IGSF3: variants seen among roughly 807,000 people sequenced by gnomAD.
The protein encoded by IGSF3 is immunoglobulin superfamily member 3, also known as glu-Trp-Ile EWI motif-containing protein 3.
A neutral mutation model predicts 114.4 loss-of-function variants in IGSF3; 23 were observed. That is an observed-to-expected ratio of 0.20 (90% CI 0.14 to 0.28). The LOEUF (loss-of-function observed/expected upper bound fraction) is 0.28, where lower values mean the gene tolerates loss of function less well. Among genes scored for constraint, IGSF3 ranks in the 10% least tolerant of loss-of-function variants. The pLI, the probability that IGSF3 is intolerant of heterozygous loss-of-function variation, is 1.00. For synonymous variants in IGSF3, 571 were observed against 645.2 expected (o/e 0.88, Z 1.74); for missense variants, 1,172 against 1,591.5 (o/e 0.74, Z 4.48).
rs1263835363 is a variant in IGSF3 at position 116,605,134 on chromosome 1, GTAAC to G, written c.1223-1113_1223-1110del. Among the ~76,000 whole-genome samples, 3 of 151,976 alleles carry G rather than the reference GTAAC, an allele frequency of 2.0e-5. No homozygotes were observed. The highest frequency in any genetic ancestry group is 4.4e-5 in the Non-Finnish European group (3 of 68,008). On this transcript the variant is annotated intron_variant, in intron 5 of 10. Transcript: ENST00000369486. This position sits in a 1 kb window ranked among gnomAD's most constrained non-coding sequence, Gnocchi z 5.1. ...GTCTGTAAGTATTAAAGAACACAAAGTAACTAATTTGGCTCCAATTTTTGGGTAC... is the reference window on the plus strand; with the variant it reads ...GTCTGTAAGTATTAAAGAACACAAAGTAATTTGGCTCCAATTTTTGGGTAC...
In IGSF3 at chr1:116,664,615, A is replaced by G. The variant is rs1649253953; in HGVS notation, c.43+1669T>C. Among the ~76,000 whole-genome samples the G allele has an allele frequency of 6.6e-6, 1 of 152,204 alleles. No homozygotes were observed. Among genetic ancestry groups the G allele is most frequent in the South Asian group, 2.1e-4 (1 of 4,834 alleles). On this transcript the variant is annotated intron_variant, in intron 2 of 10. Transcript: ENST00000369486. This position sits in a 1 kb window ranked among gnomAD's most constrained non-coding sequence, Gnocchi z 4.6. ...TCACTAATTGCTGATTTAAACCCAG[A>G]CACTAAGCGAATGACACATACAGTA...
intron 10 of IGSF3, among the ~76,000 whole-genome samples, chr1:116,578,888 T>A (rs2101286514): frequency 6.6e-6 from 1 of 152,232 alleles, no homozygotes; most frequent in East Asian, 1.9e-4. Context: ...TCACAGCCCT[T>A]CTAGGCTGGT....
intron 8 of IGSF3, among the ~76,000 whole-genome samples, chr1:116,587,668 C>T (rs6698024): frequency 0.035 from 5,286 of 152,266 alleles, 264 homozygotes; most frequent in African/African-American, 0.12. Context: ...GAAGGGACCC[C>T]TACTGGTATG....
chr1:116,637,964 G>A (rs1485023484), intron 2 of IGSF3, among the ~76,000 whole-genome samples: 1 of 152,180 alleles, frequency 6.6e-6, no homozygotes. Flanking sequence ...CTGTTTTCCT[G>A]CTTAGGGATG....
chr1:116,656,943 A>C (rs1196423705), intron 2 of IGSF3, among the ~76,000 whole-genome samples: 1 of 151,356 alleles, frequency 6.6e-6, no homozygotes, highest in African/African-American at 2.4e-5. Context: ...TGAATGAATG[A>C]ATTAATTAAT....
rs1649140445 is a variant in IGSF3 at position 116,662,047 on chromosome 1, T to C, written c.43+4237A>G. Among the ~76,000 whole-genome samples the C allele has an allele frequency of 6.6e-6, 1 of 151,580 alleles. No homozygotes were observed. Among genetic ancestry groups the C allele is most frequent in the African/African-American group, 2.4e-5 (1 of 41,266 alleles). ...CAGCAGGAGCTTGGAGCCCTAACAC[T>C]GTCAGCAATCTATCTTAGGCAAGTG... is the stretch of plus-strand genomic sequence containing the variant. On this transcript the variant is annotated intron_variant, in intron 2 of 10. Coordinates refer to ENST00000369486, the MANE Select transcript of IGSF3 (RefSeq NM_001007237.3). The surrounding 1 kb of genome is among the most constrained non-coding windows in gnomAD (Gnocchi z 4.3).
Position 116,615,934 on chromosome 1 carries a change from T to C in IGSF3, c.421+146A>G. The C allele has an allele frequency of 1.7e-6, 1 of 591,148 alleles. No homozygotes were observed. Among genetic ancestry groups the C allele is most frequent in the Non-Finnish European group, 3.0e-6 (1 of 330,170 alleles). 36.6% of individuals were successfully genotyped at this position (591,148 alleles called of 1,614,324 possible). On this transcript the variant is annotated intron_variant, in intron 3 of 10. Coordinates refer to ENST00000369486, the MANE Select transcript of IGSF3 (RefSeq NM_001007237.3). The surrounding 1 kb of genome is among the most constrained non-coding windows in gnomAD (Gnocchi z 4.3). ...TTAGAAGTGAACACAGAAATTTAGT[T>C]TCCTTGTGCTATCTGTTGACCCCTA...
In IGSF3 at chr1:116,628,425, GT is replaced by G. The variant is rs1464213923; in HGVS notation, c.44-11969del. Among the ~76,000 whole-genome samples, 3 of 152,122 alleles carry G rather than the reference GT, an allele frequency of 2.0e-5. No individual in the cohort carries two copies. The East Asian group carries it at 5.8e-4, about 29-fold the overall frequency. ...TTTTTTTTTTAACCAGGCCCCCAGAGTTGTAGATTTTGGGGTCATTTACAAT... is the reference window on the plus strand; with the variant it reads ...TTTTTTTTTTAACCAGGCCCCCAGAGTGTAGATTTTGGGGTCATTTACAAT... On this transcript the variant is annotated intron_variant, in intron 2 of 10. Coordinates refer to ENST00000369486, the MANE Select transcript of IGSF3 (RefSeq NM_001007237.3). The surrounding 1 kb of genome is among the most constrained non-coding windows in gnomAD (Gnocchi z 4.2).
In IGSF3 at chr1:116,650,440, T is replaced by C. The variant is rs1571191602; in HGVS notation, c.43+15844A>G. On this transcript the variant is annotated intron_variant, in intron 2 of 10. Coordinates refer to ENST00000369486, the MANE Select transcript of IGSF3 (RefSeq NM_001007237.3). The surrounding 1 kb of genome is among the most constrained non-coding windows in gnomAD (Gnocchi z 5.0). ...CCAGAATCTCCCAGCAGACTTCTCA[T>C]ACCTCAGTGGCCAAAACCATGTCAC... Among the ~76,000 whole-genome samples the C allele has an allele frequency of 2.0e-5, 3 of 152,228 alleles. 1 individual carries two copies. The East Asian group carries it at 5.8e-4, about 29-fold the overall frequency.
chr1:116,647,322 A>C lies in IGSF3; in HGVS notation c.43+18962T>G, dbSNP rs1648424635. Among the ~76,000 whole-genome samples, 1 of 152,182 alleles carries C rather than the reference A, an allele frequency of 6.6e-6. No homozygotes were observed. The highest frequency in any genetic ancestry group is 2.1e-4 in the South Asian group (1 of 4,824). ...ATCAGACTGAAACAAGAACACCAAG[A>C]TATTCCAAGGGAGGTGACAATGGGG... On this transcript the variant is annotated intron_variant, in intron 2 of 10. Coordinates refer to ENST00000369486, the MANE Select transcript of IGSF3 (RefSeq NM_001007237.3). This position sits in a 1 kb window ranked among gnomAD's most constrained non-coding sequence, Gnocchi z 4.6.
At chr1:116,640,402 C>T (rs1401573015) in intron 2 of IGSF3, among the ~76,000 whole-genome samples, 1 of 152,186 alleles carries the variant, frequency 6.6e-6, no homozygotes, top group East Asian at 1.9e-4. Context: ...ACTATTCCAC[C>T]CATCCCAGAA....
intron 1 of IGSF3, among the ~76,000 whole-genome samples, chr1:116,667,201 C>A (rs1301629590): frequency 1.3e-5 from 2 of 152,174 alleles, no homozygotes; most frequent in Non-Finnish European, 2.9e-5. Flanking sequence ...CCTGGGAATT[C>A]CCGTCACCTC....
At chr1:116,619,030 C>G (rs1364882117) in intron 2 of IGSF3, among the ~76,000 whole-genome samples, 1 of 152,068 alleles carries the variant, frequency 6.6e-6, no homozygotes, top group East Asian at 1.9e-4. Flanking sequence ...TTTTTTGAAG[C>G]TCCACAGATG....
intron 2 of IGSF3, among the ~76,000 whole-genome samples, chr1:116,660,905 T>C (rs1298674852): frequency 1.3e-5 from 2 of 152,194 alleles, no homozygotes; most frequent in East Asian, 3.8e-4. Flanking sequence ...TGAACATAAT[T>C]GTTTTCAAGG....
rs898531382 is a variant in IGSF3, at chr1:116,618,332, C to A, written c.44-1875G>T. ...ATGATATTTAAAGTAACCATGAGGA[C>A]AACTCATTAGTAATATCAGTATGTT... On this transcript the variant is annotated intron_variant, in intron 2 of 10. Coordinates refer to ENST00000369486, the MANE Select transcript of IGSF3 (RefSeq NM_001007237.3). The surrounding 1 kb of genome is among the most constrained non-coding windows in gnomAD (Gnocchi z 4.7). 9.2e-5 allele frequency among the ~76,000 whole-genome samples: 14 copies of A among 152,146 alleles called. No homozygotes were observed. The highest frequency in any genetic ancestry group is 1.9e-4 in the Non-Finnish European group (13 of 68,036).
rs868706802 is a variant in IGSF3 at position 116,657,964 on chromosome 1, C to T, written c.43+8320G>A. Among the ~76,000 whole-genome samples, 1 of 150,938 alleles carries T rather than the reference C, an allele frequency of 6.6e-6. No homozygotes were observed. The highest frequency in any genetic ancestry group is 1.5e-5 in the Non-Finnish European group (1 of 67,904). ...TGGACACCTGAAAGTTGACGGGAAG[C>T]AGGCATTACTCATTTCTCCGAGTTC... On this transcript the variant is annotated intron_variant, in intron 2 of 10. Transcript: ENST00000369486. The surrounding 1 kb of genome is among the most constrained non-coding windows in gnomAD (Gnocchi z 4.2).
At position 116,592,848 on chromosome 1, in the gene IGSF3, T is replaced by A. The variant is rs933570684; in HGVS notation, c.2030-3744A>T. ...TTAAACTAATCAATGAATGGTTGAA[T>A]AAATGTGGTTACTTTTCAAAAGGAG... On this transcript the variant is annotated intron_variant, in intron 7 of 10. Transcript: ENST00000369486. The surrounding 1 kb of genome is among the most constrained non-coding windows in gnomAD (Gnocchi z 4.5). 2.0e-5 allele frequency among the ~76,000 whole-genome samples: 3 copies of A among 152,210 alleles called. No homozygotes were observed. The highest frequency in any genetic ancestry group is 4.4e-5 in the Non-Finnish European group (3 of 68,034).
chr1:116,587,022 C>T (rs975082056), intron 8 of IGSF3, among the ~76,000 whole-genome samples: 1 of 151,646 alleles, frequency 6.6e-6, no homozygotes, highest in African/African-American at 2.4e-5. Flanking sequence ...AATATAATAA[C>T]CTCAGGCAAA....
Position 116,636,262 on chromosome 1 carries a change from A to G in IGSF3, c.44-19805T>C, listed in dbSNP as rs1647823790. Among the ~76,000 whole-genome samples, 1 of 150,886 alleles carries G rather than the reference A, an allele frequency of 6.6e-6. No individual in the cohort carries two copies. Among genetic ancestry groups the G allele is most frequent in the Non-Finnish European group, 1.5e-5 (1 of 67,754 alleles). On this transcript the variant is annotated intron_variant, in intron 2 of 10. Transcript: ENST00000369486. The surrounding 1 kb of genome is among the most constrained non-coding windows in gnomAD (Gnocchi z 4.5). ...TTCACAGGCATCTGTTCAGCTATCC[A>G]CTCTTCACGGCTTGGTTTTCATGCA...
Sources: gnomAD v4.1 joint callset for allele counts (sites outside exome capture counted in the v4.1 genomes callset) on GRCh38, gnomAD v4.1.1 for gene constraint, Gnocchi (gnomAD v3.1) non-coding constraint, MANE v1.5 for transcripts, NCBI Gene and HGNC (gene_info 2026-07-23, HGNC 2026-07-21) for gene names.